The following TRIM67 variants were observed in gnomAD, a reference collection of about 807,000 sequenced individuals.
TRIM67 encodes the protein tripartite motif-containing protein 67.
In TRIM67, 39 loss-of-function variants were observed where a neutral mutation model predicts 71.0. The observed-to-expected ratio is 0.55, with a 90% CI of 0.43 to 0.72. TRIM67 has a LOEUF of 0.72. TRIM67 is among the 30% of genes least tolerant of loss of function. TRIM67 has a pLI of 0.00. For missense variants in TRIM67, 973 were observed against 1,079.2 expected (o/e 0.90, Z 1.38); for synonymous variants, 481 against 473.9 (o/e 1.01, Z -0.19).
At chr1:231,171,207 A>G (rs1382536345) in intron 1 of TRIM67, among the ~76,000 whole-genome samples, 1 of 152,120 alleles carries the variant, frequency 6.6e-6, no homozygotes, top group South Asian at 2.1e-4. Context: ...CAGGATCTTT[A>G]GGTTACACAA....
At chr1:231,184,756 A>G in intron 1 of TRIM67, 1 of 516,174 alleles carries the variant, frequency 1.9e-6, no homozygotes, top group Non-Finnish European at 3.5e-6. Context: ...TCTACCGAGA[A>G]CCACCATGAG....
chr1:231,197,609 T>C, intron 2 of TRIM67, 143 bp downstream of exon 2: 2 of 645,870 alleles, frequency 3.1e-6, no homozygotes, highest in Admixed American at 2.8e-5. Flanking sequence ...GCAGATCACC[T>C]GAGATTGGGA....
chr1:231,172,147 A>C (rs1682634292), intron 1 of TRIM67, among the ~76,000 whole-genome samples: 1 of 152,198 alleles, frequency 6.6e-6, no homozygotes, highest in Admixed American at 6.5e-5. Flanking sequence ...CTCACTGTAC[A>C]TTTTGAATAA....
In TRIM67 at chr1:231,182,573, G is replaced by A. The variant is rs959060444; in HGVS notation, c.1045-14798G>A. On this transcript the variant is annotated intron_variant, in intron 1 of 9. Coordinates refer to ENST00000366653, the MANE Select transcript of TRIM67 (RefSeq NM_001004342.5). Reference sequence around the variant, plus strand: ...GAGCTGAGGTTTGGATGACCGTGGGGCACCGGTGCAGCCATGGGAAAGGGC... The same window carrying A: ...GAGCTGAGGTTTGGATGACCGTGGGACACCGGTGCAGCCATGGGAAAGGGC... Among the ~76,000 whole-genome samples, 3 of 152,098 alleles carry A rather than the reference G, an allele frequency of 2.0e-5. No homozygotes were observed. In the East Asian group the frequency reaches 5.8e-4, roughly 29 times the overall value.
chr1:231,197,370 G>C lies in TRIM67; in HGVS notation c.1045-1G>C. ...TTTTCAACATGTGATATCTTTTTCA[G>C]GCACAACTATCTCAGGCCTTAAATG... On this transcript the variant is annotated splice_acceptor_variant, in intron 1 of 9. Transcript: ENST00000366653. LOFTEE classifies it high-confidence loss of function. 3 of 1,611,690 alleles carry C rather than the reference G, an allele frequency of 1.9e-6. No individual in the cohort carries two copies. Among genetic ancestry groups the C allele is most frequent in the Non-Finnish European group, 2.5e-6 (3 of 1,179,240 alleles).
At chr1:231,205,615 A>G (rs1683673097) in intron 6 of TRIM67, among the ~76,000 whole-genome samples, 1 of 151,638 alleles carries the variant, frequency 6.6e-6, no homozygotes, top group Non-Finnish European at 1.5e-5. Flanking sequence ...TGTCCCAGCT[A>G]CTCTGGAGGC....
chr1:231,182,335 G>A (rs1294229048), intron 1 of TRIM67, among the ~76,000 whole-genome samples: 3 of 152,174 alleles, frequency 2.0e-5, no homozygotes. Context: ...GATAAGGTGG[G>A]AGGATCGCCT....
chr1:231,219,846 C>T lies in TRIM67; in HGVS notation c.*4406C>T. 2 of 1,289,022 alleles carry T rather than the reference C, an allele frequency of 1.6e-6. No homozygotes were observed. 79.8% of individuals were successfully genotyped at this position (1,289,022 alleles called of 1,614,324 possible). On this transcript the variant is annotated 3_prime_UTR_variant, in exon 10 of 10. Transcript: ENST00000366653. Reference sequence around the variant, plus strand: ...GTTCCTCCCAGAAGATCAAAGGATCCTGCAGCTTTAACCTAATATCTAGGC... The same window carrying T: ...GTTCCTCCCAGAAGATCAAAGGATCTTGCAGCTTTAACCTAATATCTAGGC...
intron 4 of TRIM67, 108 bp downstream of exon 4, chr1:231,200,366 G>T (rs1683486969): frequency 2.8e-6 from 2 of 701,918 alleles, no homozygotes; most frequent in African/African-American, 3.5e-5. Flanking sequence ...GGATTGAGTA[G>T]ATTCTCCTTT....
At chr1:231,174,060 C>G (rs1558291553) in intron 1 of TRIM67, among the ~76,000 whole-genome samples, 1 of 152,042 alleles carries the variant, frequency 6.6e-6, no homozygotes, top group Admixed American at 6.6e-5. Flanking sequence ...TCTCTCTCAT[C>G]CTTCCAGAAT....
intron 1 of TRIM67, among the ~76,000 whole-genome samples, chr1:231,179,625 T>C (rs1682847132): frequency 6.6e-6 from 1 of 152,250 alleles, no homozygotes; most frequent in Non-Finnish European, 1.5e-5. Context: ...TCCCACAAGC[T>C]TAGCATTCCA....
intron 1 of TRIM67, among the ~76,000 whole-genome samples, chr1:231,164,475 T>A (rs1682396336): frequency 6.6e-6 from 1 of 152,186 alleles, no homozygotes; most frequent in Admixed American, 6.5e-5. Context: ...CAAAATCTGG[T>A]TAGGTCCTTG....
At chr1:231,202,266 TGG>T (rs1683573228) in intron 5 of TRIM67, among the ~76,000 whole-genome samples, 3 of 15,374 alleles carry the variant, frequency 2.0e-4, no homozygotes, top group Non-Finnish European at 3.8e-4. Flanking sequence ...GAGGAGGTGG[TGG>T]CGGAGGAGGA....
intron 1 of TRIM67, among the ~76,000 whole-genome samples, chr1:231,185,798 C>T (rs751001473): frequency 4.6e-5 from 7 of 151,870 alleles, no homozygotes; most frequent in African/African-American, 7.3e-5. Flanking sequence ...TGGCGAGGGC[C>T]ACAGTCGGAG....
Position 231,163,638 on chromosome 1 carries a change from C to T in TRIM67, c.669C>T (p.Cys223=), listed in dbSNP as rs367644344. The T allele has an allele frequency of 4.2e-5, 64 of 1,523,834 alleles. No individual in the cohort carries two copies. The African/African-American group carries it at 7.9e-4, about 19-fold the overall frequency. The allele number at this position is 1,523,834 out of a possible 1,614,324, so 94.4% of individuals were successfully genotyped here. A position where few individuals can be genotyped will look rare whatever the true frequency, so the allele number is the denominator to read the frequency against. The part of the protein sequence containing the change: ...RTPPEPAATL[C]EQCDVLYCSA... ...CGCCAGAGCCAGCAGCCACGCTCTG[C>T]GAGCAGTGCGACGTCCTCTACTGCT... Residue 223 remains cysteine, a synonymous_variant, in exon 1 of 10, where the codon TGC becomes TGT. Transcript: ENST00000366653.
intron 1 of TRIM67, chr1:231,186,161 C>T (rs1472189973): frequency 5.9e-6 from 9 of 1,533,338 alleles, no homozygotes; most frequent in South Asian, 1.2e-5. Flanking sequence ...GGCTGAGGCG[C>T]TCCCTCTTTG....
rs775772686 is a variant in TRIM67 at position 231,213,805 on chromosome 1, C to G, written c.2124-10C>G. ...TGTGGTGATGGTCTTCCTGGGGACTCTCTTCCCAGGACGGAAGGTGGCGTG... is the reference window on the plus strand; with the variant it reads ...TGTGGTGATGGTCTTCCTGGGGACTGTCTTCCCAGGACGGAAGGTGGCGTG... On this transcript the variant is annotated splice_polypyrimidine_tract_variant and intron_variant, in intron 8 of 9. Transcript: ENST00000366653. 2 of 1,572,930 alleles carry G rather than the reference C, an allele frequency of 1.3e-6. No homozygotes were observed. The highest frequency in any genetic ancestry group is 1.2e-5 in the South Asian group (1 of 85,364).
At chr1:231,193,701 G>T (rs1206892736) in intron 1 of TRIM67, among the ~76,000 whole-genome samples, 1 of 152,160 alleles carries the variant, frequency 6.6e-6, no homozygotes, top group African/African-American at 2.4e-5. Context: ...CCCAGCATCT[G>T]CTTCTGGTGA....
intron 1 of TRIM67, among the ~76,000 whole-genome samples, chr1:231,195,206 T>C (rs1338792514): frequency 6.6e-6 from 1 of 152,196 alleles, no homozygotes; most frequent in Admixed American, 6.5e-5. Flanking sequence ...AAATGTGACC[T>C]GTAGGTTATC....
Sources: allele counts gnomAD v4.1 joint callset (sites outside exome capture counted in the v4.1 genomes callset), GRCh38; gene constraint gnomAD v4.1.1; transcripts MANE v1.5; gene names NCBI Gene and HGNC (gene_info 2026-07-23, HGNC 2026-07-21).